DPF3: variants seen among roughly 807,000 people sequenced by gnomAD.
The protein encoded by DPF3 is double PHD fingers 3, also known as zinc finger protein DPF3.
Under a neutral mutation model 56.8 loss-of-function variants are expected in DPF3, and 18 were observed. The ratio of observed to expected loss-of-function variants is 0.32; its 90% CI spans 0.22 to 0.47. The LOEUF is 0.47. Among genes scored for constraint, DPF3 ranks in the 20% least tolerant of loss-of-function variants. DPF3 has a pLI of 1.00. For synonymous variants in DPF3, 188 were observed against 180.2 expected (o/e 1.04, Z -0.35); for missense variants, 403 against 488.8 (o/e 0.82, Z 1.65).
intron 1 of DPF3, chr14:72,892,795 G>A: frequency 1.5e-6 from 1 of 676,894 alleles, no homozygotes; most frequent in Non-Finnish European, 1.8e-6. Flanking sequence ...AAGGGGTGAG[G>A]ACCCCCCAGC....
In DPF3 at chr14:72,683,673, G is replaced by A. The variant is rs543790648; in HGVS notation, c.743-9305C>T. ...CCGCGCACCTGAGGGGAGGTGAGTCGGAGAGGTGGACACGCAGGGCCTCAC... is the reference window on the plus strand; with the variant it reads ...CCGCGCACCTGAGGGGAGGTGAGTCAGAGAGGTGGACACGCAGGGCCTCAC... On this transcript the variant is annotated intron_variant, in intron 7 of 10. Coordinates refer to ENST00000556509, the MANE Select transcript of DPF3 (RefSeq NM_001280542.3). 1.6e-4 allele frequency among the ~76,000 whole-genome samples: 25 copies of A among 152,296 alleles called. No individual in the cohort carries two copies. In the East Asian group the frequency reaches 4.2e-3, roughly 26 times the overall value.
At chr14:72,630,914 C>T (rs568925042) in intron 8 of DPF3, among the ~76,000 whole-genome samples, 1 of 152,204 alleles carries the variant, frequency 6.6e-6, no homozygotes, top group African/African-American at 2.4e-5. Flanking sequence ...ATGGTTAGCA[C>T]CGCCAACCTA....
At chr14:72,649,054 C>T (rs1885815643) in intron 8 of DPF3, among the ~76,000 whole-genome samples, 1 of 152,150 alleles carries the variant, frequency 6.6e-6, no homozygotes, top group Admixed American at 6.5e-5. Flanking sequence ...TTCTCCCTTT[C>T]TCCCAGTTCT....
chr14:72,824,195 G>C (rs369755813), intron 1 of DPF3, among the ~76,000 whole-genome samples: 1 of 152,146 alleles, frequency 6.6e-6, no homozygotes, highest in Non-Finnish European at 1.5e-5. Flanking sequence ...AGGAGGAAAG[G>C]AATGTCTGCC....
At chr14:72,874,072 TA>T (rs60863230) in intron 1 of DPF3, among the ~76,000 whole-genome samples, 39 of 129,716 alleles carry the variant, frequency 3.0e-4, no homozygotes, top group South Asian at 9.7e-4. Context: ...TAAAGTATGA[TA>T]AAAAAAAAAA....
intron 7 of DPF3, among the ~76,000 whole-genome samples, chr14:72,680,827 G>A (rs527385321): frequency 1.2e-4 from 18 of 152,372 alleles, no homozygotes; most frequent in Middle Eastern, 6.8e-3. Flanking sequence ...CCCTAGGCCC[G>A]GGGTTTTGAC....
intron 8 of DPF3, among the ~76,000 whole-genome samples, chr14:72,672,031 A>ACT (rs1886699412): frequency 1.0e-5 from 1 of 96,822 alleles, no homozygotes; most frequent in African/African-American, 4.4e-5. Flanking sequence ...TGTGCACACC[A>ACT]CACACACACA....
chr14:72,723,475 C>T (rs1228626534), intron 5 of DPF3, among the ~76,000 whole-genome samples, 158 bp downstream of exon 5: 6 of 152,182 alleles, frequency 3.9e-5, no homozygotes, highest in African/African-American at 7.2e-5. Flanking sequence ...TTCCAGGCTA[C>T]GACCTGGGAT....
At chr14:72,622,903 C>T (rs1033585683) in intron 9 of DPF3, among the ~76,000 whole-genome samples, 4 of 152,202 alleles carry the variant, frequency 2.6e-5, no homozygotes, top group African/African-American at 7.2e-5. Flanking sequence ...AAATCCTCTA[C>T]ATTTACACTA....
intron 1 of DPF3, among the ~76,000 whole-genome samples, chr14:72,783,283 C>G (rs1273587025): frequency 4.7e-5 from 7 of 149,294 alleles, no homozygotes; most frequent in Non-Finnish European, 8.9e-5. Context: ...ATCATCTATA[C>G]ACAACTAAAT....
chr14:72,761,532 A>G (rs1891069586), intron 2 of DPF3, among the ~76,000 whole-genome samples: 1 of 152,026 alleles, frequency 6.6e-6, no homozygotes, highest in Admixed American at 6.5e-5. Flanking sequence ...TAAAAACCCT[A>G]TATCAAATTT....
At chr14:72,723,005 C>CT (rs34787299) in intron 5 of DPF3, among the ~76,000 whole-genome samples, 70 of 144,656 alleles carry the variant, frequency 4.8e-4, no homozygotes, top group South Asian at 9.0e-4. Context: ...CGGCAAACTT[C>CT]TTTTTTTTTT....
chr14:72,818,555 C>T (rs964355884), intron 1 of DPF3, among the ~76,000 whole-genome samples: 2 of 152,142 alleles, frequency 1.3e-5, no homozygotes, highest in African/African-American at 4.8e-5. Flanking sequence ...CTCATGCCTG[C>T]CGTCCCAGCT....
intron 2 of DPF3, among the ~76,000 whole-genome samples, chr14:72,765,076 T>C (rs1014704124): frequency 6.6e-6 from 1 of 152,186 alleles, no homozygotes; most frequent in African/African-American, 2.4e-5. Flanking sequence ...CTCACAGAAA[T>C]ATTGAGTAAA....
intron 3 of DPF3, among the ~76,000 whole-genome samples, chr14:72,733,740 G>A (rs1032087107): frequency 5.9e-5 from 9 of 152,156 alleles, no homozygotes; most frequent in East Asian, 3.9e-4. Context: ...CAGCACCACC[G>A]AGCCTGCTCC....
At chr14:72,650,573 C>T (rs868247359) in intron 8 of DPF3, among the ~76,000 whole-genome samples, 1 of 152,204 alleles carries the variant, frequency 6.6e-6, no homozygotes. Flanking sequence ...TAGGGCAGCA[C>T]CTGTGGCCAA....
intron 1 of DPF3, among the ~76,000 whole-genome samples, chr14:72,818,649 T>C (rs1471474196): frequency 6.6e-6 from 1 of 152,164 alleles, no homozygotes; most frequent in East Asian, 1.9e-4. Flanking sequence ...TGCACTCCAG[T>C]GTGGGCAACA....
At chr14:72,653,719 A>G (rs1250425114) in intron 8 of DPF3, among the ~76,000 whole-genome samples, 2 of 152,200 alleles carry the variant, frequency 1.3e-5, no homozygotes, top group Non-Finnish European at 2.9e-5. Flanking sequence ...AGCTTTCTGG[A>G]GCCAGCCAGC....
At chr14:72,756,742 G>A (rs1258984967) in intron 2 of DPF3, among the ~76,000 whole-genome samples, 1 of 150,974 alleles carries the variant, frequency 6.6e-6, no homozygotes, top group Non-Finnish European at 1.5e-5. Context: ...AACCCAGGAG[G>A]TGGAGGTTAT....
Sources: gnomAD v4.1 joint callset for allele counts (sites outside exome capture counted in the v4.1 genomes callset) on GRCh38, gnomAD v4.1.1 for gene constraint, MANE v1.5 for transcripts, NCBI Gene and HGNC (gene_info 2026-07-23, HGNC 2026-07-21) for gene names.